The following CACNA1A variants were observed in gnomAD, a reference collection of about 807,000 sequenced individuals.
CACNA1A encodes calcium voltage-gated channel subunit alpha1 A.
Under a neutral mutation model 262.4 loss-of-function variants are expected in CACNA1A, and 57 were observed. That is an observed-to-expected ratio of 0.22 (90% CI 0.18 to 0.27). CACNA1A has a LOEUF of 0.27. CACNA1A is among the 10% of genes least tolerant of loss of function. The pLI is 1.00. For missense variants in CACNA1A, 2,526 were observed against 3,562.8 expected (o/e 0.71, Z 7.41); for synonymous variants, 1,431 against 1,419.3 (o/e 1.01, Z -0.18).
rs1327685460 is a variant in CACNA1A, at chr19:13,334,551, GTGTGTGTGTT to G, written c.1083-68_1083-59del. 2,585 of 601,590 alleles carry G rather than the reference GTGTGTGTGTT, an allele frequency of 4.3e-3. 31 individuals are homozygous for G. The highest frequency in any genetic ancestry group is 7.5e-3 in the Middle Eastern group (22 of 2,924). The allele number at this position is 601,590 out of a possible 1,614,324, so 37.3% of individuals were successfully genotyped here. ...GTTTTGAAAATGTTAGGAAACGTTT[GTGTGTGTGTT>G]TGTGTGTGTGTGTGTGTGTGTGTGT... On this transcript the variant is annotated intron_variant, in intron 7 of 46. Transcript: ENST00000360228.
At chr19:13,346,162 A>G (rs1336619203) in intron 6 of CACNA1A, among the ~76,000 whole-genome samples, 1 of 152,138 alleles carries the variant, frequency 6.6e-6, no homozygotes, top group East Asian at 1.9e-4. Flanking sequence ...TTGGCCTCCC[A>G]AAGTGCTGGG....
intron 35 of CACNA1A, among the ~76,000 whole-genome samples, chr19:13,231,160 C>A (rs1026150707): frequency 6.7e-6 from 1 of 150,158 alleles, no homozygotes; most frequent in Non-Finnish European, 1.5e-5. Flanking sequence ...CACAGCACCA[C>A]GTGTGCAGCT....
At chr19:13,227,622 C>T (rs1280880862) in intron 36 of CACNA1A, 95 bp from the exon 37 acceptor site, 1 of 474,438 alleles carries the variant, frequency 2.1e-6, no homozygotes, top group Non-Finnish European at 3.6e-6. Flanking sequence ...TGGGGAGAAA[C>T]AGAAGAAAGA....
rs1042770124 is a variant in CACNA1A, at chr19:13,431,057, G to C, written c.539+21819C>G. Among the ~76,000 whole-genome samples the C allele has an allele frequency of 5.3e-5, 8 of 152,134 alleles. 1 individual carries two copies. The highest frequency in any genetic ancestry group is 5.2e-4 in the Admixed American group (8 of 15,266). On this transcript the variant is annotated intron_variant, in intron 3 of 46. Transcript: ENST00000360228. ...GTGGAGAGGAGAGTGGGAATAGAGG[G>C]GGATGGGGGATCACAGGGGCAGAGT...
intron 6 of CACNA1A, among the ~76,000 whole-genome samples, chr19:13,340,892 A>G (rs993946247): frequency 6.6e-6 from 1 of 152,122 alleles, no homozygotes; most frequent in African/African-American, 2.4e-5. Context: ...CTCATCCTAA[A>G]TGACGGGTTT....
intron 1 of CACNA1A, among the ~76,000 whole-genome samples, chr19:13,479,023 A>G (rs1978922174): frequency 6.6e-6 from 1 of 152,098 alleles, no homozygotes; most frequent in African/African-American, 2.4e-5. Flanking sequence ...AAAATACAAA[A>G]ATTAGCCAGG....
chr19:13,256,644 C>T (rs1027799740), intron 28 of CACNA1A: 33 of 152,206 alleles, frequency 2.2e-4, no homozygotes, highest in Admixed American at 2.0e-3. Flanking sequence ...TGTGCACCAT[C>T]CTGCCTGGCT....
chr19:13,310,454 C>CAAAA (rs869052278), intron 12 of CACNA1A, among the ~76,000 whole-genome samples: 1 of 25,904 alleles, frequency 3.9e-5, no homozygotes, highest in Non-Finnish European at 5.7e-5. Flanking sequence ...GACTCTGTCT[C>CAAAA]AAAAAAAAAA....
At chr19:13,366,861 C>G (rs2059221830) in intron 4 of CACNA1A, among the ~76,000 whole-genome samples, 1 of 152,132 alleles carries the variant, frequency 6.6e-6, no homozygotes, top group African/African-American at 2.4e-5. Flanking sequence ...CCCCAAGGAA[C>G]CAGACTCAAC....
chr19:13,498,776 C>T (rs1043967406), intron 1 of CACNA1A, among the ~76,000 whole-genome samples: 3 of 152,166 alleles, frequency 2.0e-5, no homozygotes, highest in Non-Finnish European at 2.9e-5. Context: ...TCTTGGTCAA[C>T]GGCACCATCT....
chr19:13,312,963 C>T (rs1184780663), intron 11 of CACNA1A, among the ~76,000 whole-genome samples, 182 bp from the exon 12 acceptor site: 2 of 152,108 alleles, frequency 1.3e-5, no homozygotes, highest in Non-Finnish European at 2.9e-5. Flanking sequence ...CTGATTTGGC[C>T]TCCAACATGC....
chr19:13,376,805 TATATGTTATGTGTGATATATAACAC>T (rs1245523405), intron 3 of CACNA1A, among the ~76,000 whole-genome samples: 7 of 134,482 alleles, frequency 5.2e-5, no homozygotes, highest in Admixed American at 1.5e-4. Context: ...ATACACATAA[TATATGTTATGTGTGATATATAACAC>T]ATGTTATATG....
chr19:13,385,937 G>C (rs1268890042), intron 3 of CACNA1A, among the ~76,000 whole-genome samples: 1 of 151,602 alleles, frequency 6.6e-6, no homozygotes, highest in Non-Finnish European at 1.5e-5. Flanking sequence ...CAGGAGGATT[G>C]TTTGAGCTCA....
chr19:13,275,310 G>A (rs1241475263), intron 24 of CACNA1A: 1 of 155,364 alleles, frequency 6.4e-6, no homozygotes, highest in Non-Finnish European at 1.4e-5. Context: ...CTACAACTGG[G>A]GCGCCATCTT....
intron 24 of CACNA1A, chr19:13,271,696 T>C (rs970759000): frequency 3.3e-5 from 5 of 151,844 alleles, no homozygotes; most frequent in African/African-American, 9.7e-5. Flanking sequence ...GGGTCCTTTG[T>C]AGGTCATTCC....
chr19:13,299,745 C>A (rs531607389), intron 18 of CACNA1A, among the ~76,000 whole-genome samples: 2 of 152,098 alleles, frequency 1.3e-5, no homozygotes, highest in Non-Finnish European at 1.5e-5. Context: ...CTTCCCCAGG[C>A]CCCCCAGTGG....
chr19:13,227,512 G>T lies in CACNA1A; in HGVS notation c.5544C>A (p.Tyr1848Ter). Reference sequence around the variant, plus strand: ...GTCTCAGCATCTGATACATGTCCAGGTAAGGCATGCGGCCCCTGGCAGCAC... The same window carrying T: ...GTCTCAGCATCTGATACATGTCCAGTTAAGGCATGCGGCCCCTGGCAGCAC... ...YDPAAWGRMP[Y>*]LDMYQMLRHM... Residue 1848 changes from tyrosine (Y) to a stop codon, truncating the protein, a stop_gained, in exon 37 of 47, where the codon TAC becomes TAA. Coordinates refer to ENST00000360228, the MANE Select transcript of CACNA1A (RefSeq NM_001127222.2). LOFTEE classifies it high-confidence loss of function. 6.3e-7 allele frequency: 1 copy of T among 1,588,704 alleles called. No individual in the cohort carries two copies. Among genetic ancestry groups the T allele is most frequent in the Non-Finnish European group, 8.6e-7 (1 of 1,166,344 alleles).
intron 15 of CACNA1A, 88 bp downstream of exon 15, chr19:13,307,694 G>T: frequency 1.9e-6 from 2 of 1,069,664 alleles, no homozygotes; most frequent in Non-Finnish European, 1.4e-6. Context: ...AGAAGGAGGA[G>T]TTCAGGGAAG....
At chr19:13,502,705 A>C (rs1375955996) in intron 1 of CACNA1A, among the ~76,000 whole-genome samples, 1 of 152,184 alleles carries the variant, frequency 6.6e-6, no homozygotes, top group Non-Finnish European at 1.5e-5. Context: ...GAGGGGAAAA[A>C]ATGAAATAAA....
Sources: gnomAD v4.1 joint callset for allele counts (sites outside exome capture counted in the v4.1 genomes callset) on GRCh38, gnomAD v4.1.1 for gene constraint, MANE v1.5 for transcripts, NCBI Gene and HGNC (gene_info 2026-07-23, HGNC 2026-07-21) for gene names.